Variants in RUNX1 observed in about 807,000 individuals in gnomAD.
The protein encoded by RUNX1 is runt-related transcription factor 1.
RUNX1 carries 19 observed loss-of-function variants against 42.8 expected under a neutral mutation model. That is an observed-to-expected ratio of 0.44 (90% CI 0.31 to 0.65). The LOEUF is 0.65. Among genes scored for constraint, RUNX1 ranks in the 30% least tolerant of loss-of-function variants. The pLI is 0.07. For synonymous variants in RUNX1, 271 were observed against 289.4 expected (o/e 0.94, Z 0.64); for missense variants, 528 against 672.0 (o/e 0.79, Z 2.37).
At chr21:34,805,398 C>T (rs1461799267) in intron 7 of RUNX1, among the ~76,000 whole-genome samples, 1 of 151,078 alleles carries the variant, frequency 6.6e-6, no homozygotes, top group Non-Finnish European at 1.5e-5. Flanking sequence ...TAATAAATAC[C>T]AAATCTACAC....
chr21:35,033,522 C>A (rs2059287550), intron 2 of RUNX1, among the ~76,000 whole-genome samples: 2 of 152,196 alleles, frequency 1.3e-5, no homozygotes, highest in Admixed American at 1.3e-4. Context: ...CTCATGCAGA[C>A]ACATGTCCCA....
intron 2 of RUNX1, among the ~76,000 whole-genome samples, chr21:34,973,674 G>A (rs2058778874): frequency 6.6e-6 from 1 of 152,132 alleles, no homozygotes; most frequent in Non-Finnish European, 1.5e-5. Flanking sequence ...CTCCCTCCAT[G>A]TCATAGAAAA....
chr21:34,819,185 T>C (rs570299919), intron 7 of RUNX1, among the ~76,000 whole-genome samples: 1 of 152,282 alleles, frequency 6.6e-6, no homozygotes, highest in Non-Finnish European at 1.5e-5. Flanking sequence ...ACAGCACCAT[T>C]GAATGCTGTT....
intron 2 of RUNX1, among the ~76,000 whole-genome samples, chr21:34,915,615 A>C (rs1424499940): frequency 6.6e-6 from 1 of 152,230 alleles, no homozygotes; most frequent in Non-Finnish European, 1.5e-5. Context: ...TATTATTAAC[A>C]ATCACATGAC....
In RUNX1 at chr21:34,801,218, CA is replaced by C. The variant is rs113990129; in HGVS notation, c.806-1757del. 4.9e-4 allele frequency among the ~76,000 whole-genome samples: 75 copies of C among 151,888 alleles called. 1 individual carries two copies. In the Middle Eastern group the frequency reaches 0.01, roughly 21 times the overall value. On this transcript the variant is annotated intron_variant, in intron 7 of 8. Coordinates refer to ENST00000675419, the MANE Select transcript of RUNX1 (RefSeq NM_001754.5). ...TCCAATACTTTAATCATTTTAAAAG[CA>C]AACAAAAGAGGTTTCAGAACTGTCA...
chr21:35,010,797 A>C (rs2059121115), intron 2 of RUNX1, among the ~76,000 whole-genome samples: 1 of 152,242 alleles, frequency 6.6e-6, no homozygotes, highest in African/African-American at 2.4e-5. Flanking sequence ...CAATGTGAAA[A>C]TAAAATCTAA....
chr21:34,921,933 C>T (rs1425651165), intron 2 of RUNX1, among the ~76,000 whole-genome samples: 1 of 152,180 alleles, frequency 6.6e-6, no homozygotes, highest in Non-Finnish European at 1.5e-5. Context: ...CATACCAGGC[C>T]TACATAATTG....
chr21:35,016,861 G>C (rs1019003239), intron 2 of RUNX1, among the ~76,000 whole-genome samples: 1 of 149,396 alleles, frequency 6.7e-6, no homozygotes, highest in East Asian at 2.0e-4. Flanking sequence ...AGAATCTCTG[G>C]GACTTGCAGT....
intron 6 of RUNX1, among the ~76,000 whole-genome samples, chr21:34,854,501 CTAGAA>C (rs2057469034): frequency 6.6e-6 from 1 of 151,408 alleles, no homozygotes; most frequent in African/African-American, 2.4e-5. Context: ...AGGAGACTCG[CTAGAA>C]CCTGGAAGGC....
At chr21:34,998,222 G>A (rs1449645784) in intron 2 of RUNX1, among the ~76,000 whole-genome samples, 1 of 152,178 alleles carries the variant, frequency 6.6e-6, no homozygotes, top group African/African-American at 2.4e-5. Context: ...AGGGCTGGGA[G>A]AGGGGATGAA....
At position 34,799,384 on chromosome 21, in the gene RUNX1, G is replaced by A. The variant is rs1054355302; in HGVS notation, c.884C>T (p.Ser295Phe). Residue 295 changes from serine to phenylalanine, a missense_variant, in exon 8 of 9, where the codon TCT becomes TTT. Physicochemically the swap from Ser to Phe is radical, Grantham distance 155 (BLOSUM62 -2). This residue lies in a region of RUNX1 where 331 missense variants were observed against 382.5 expected (regional missense o/e 0.87). Coordinates refer to ENST00000675419, the MANE Select transcript of RUNX1 (RefSeq NM_001754.5). ...YQYLGSIASP[S>F]VHPATPISPG... Reference sequence around the variant, plus strand: ...TGAAATGGGCGTTGCTGGGTGCACAGAAGGAGAGGCAATGGATCCCAGGTA... The same window carrying A: ...TGAAATGGGCGTTGCTGGGTGCACAAAAGGAGAGGCAATGGATCCCAGGTA... 1 of 1,614,086 alleles carries A rather than the reference G, an allele frequency of 6.2e-7. No homozygotes were observed. The highest frequency in any genetic ancestry group is 1.3e-5 in the African/African-American group (1 of 74,922).
At chr21:34,987,155 C>T (rs567463718) in intron 2 of RUNX1, among the ~76,000 whole-genome samples, 66 of 152,324 alleles carry the variant, frequency 4.3e-4, no homozygotes, top group Admixed American at 5.2e-4. Flanking sequence ...TGACTAGGCT[C>T]GGGGTTTCTA....
chr21:34,821,752 T>C lies in RUNX1; in HGVS notation c.805+12658A>G. 6 of 1,494,560 alleles carry C rather than the reference T, an allele frequency of 4.0e-6. No individual in the cohort carries two copies. The African/African-American group carries it at 4.1e-5, about 10-fold the overall frequency. The allele number at this position is 1,494,560 out of a possible 1,614,324, so 92.6% of individuals were successfully genotyped here. On this transcript the variant is annotated intron_variant, in intron 7 of 8. Coordinates refer to ENST00000675419, the MANE Select transcript of RUNX1 (RefSeq NM_001754.5). The stretch of plus-strand genomic sequence containing the variant: ...GTTCGAAAATAAGGACAATTCTTTA[T>C]AGAGCCGCGAATGCATTCCCCTCCC...
chr21:34,900,098 A>G (rs2058165667), intron 2 of RUNX1, among the ~76,000 whole-genome samples: 1 of 152,296 alleles, frequency 6.6e-6, no homozygotes. Flanking sequence ...ACATTAAAAA[A>G]GTAATGGGCA....
At chr21:34,852,223 A>C (rs947454907) in intron 6 of RUNX1, among the ~76,000 whole-genome samples, 10 of 152,144 alleles carry the variant, frequency 6.6e-5, no homozygotes, top group African/African-American at 2.4e-4. Flanking sequence ...AAAAAACCTC[A>C]GTGGTTTCTG....
intron 2 of RUNX1, among the ~76,000 whole-genome samples, chr21:35,002,684 T>G (rs1380260709): frequency 6.6e-6 from 1 of 152,100 alleles, no homozygotes; most frequent in Admixed American, 6.6e-5. Context: ...TGCCTTGCCC[T>G]CCCAAACTGC....
intron 7 of RUNX1, among the ~76,000 whole-genome samples, chr21:34,831,423 T>G (rs2057062170): frequency 6.6e-6 from 1 of 152,234 alleles, no homozygotes; most frequent in Non-Finnish European, 1.5e-5. Context: ...CATGTGATTC[T>G]AGGTAAGTAT....
chr21:35,035,501 G>C (rs760998999), intron 2 of RUNX1, among the ~76,000 whole-genome samples: 4 of 152,146 alleles, frequency 2.6e-5, no homozygotes, highest in African/African-American at 7.2e-5. Flanking sequence ...CCTGGTTTTT[G>C]CTTCATTTTA....
At chr21:34,866,092 A>T (rs547287543) in intron 5 of RUNX1, among the ~76,000 whole-genome samples, 1 of 151,274 alleles carries the variant, frequency 6.6e-6, no homozygotes. Flanking sequence ...GTCTGTAAGC[A>T]TGAGTCATCT....
Sources: allele counts gnomAD v4.1 joint callset (sites outside exome capture counted in the v4.1 genomes callset), GRCh38; gene constraint gnomAD v4.1.1; regional missense constraint gnomAD v4.1.1; transcripts MANE v1.5; gene names NCBI Gene and HGNC (gene_info 2026-07-23, HGNC 2026-07-21).